Variants in PCDHGA10 observed in about 807,000 individuals in gnomAD.
PCDHGA10 encodes the protein protocadherin gamma subfamily A, 10, also known as protocadherin gamma-A10.
PCDHGA10 carries 42 observed loss-of-function variants against 59.5 expected under a neutral mutation model. That is an observed-to-expected ratio of 0.71 (90% CI 0.55 to 0.91). The LOEUF (loss-of-function observed/expected upper bound fraction) is 0.91. Among genes scored for constraint, PCDHGA10 ranks in the 40% least tolerant of loss-of-function variants. The pLI, the probability that PCDHGA10 is intolerant of heterozygous loss-of-function variation, is 0.00. For synonymous variants in PCDHGA10, 511 were observed against 517.2 expected (o/e 0.99, Z 0.16); for missense variants, 1,111 against 1,198.2 (o/e 0.93, Z 1.07).
intron 1 of PCDHGA10, chr5:141,423,928 G>C: frequency 8.1e-7 from 1 of 1,236,850 alleles, no homozygotes; most frequent in Non-Finnish European, 1.0e-6. Flanking sequence ...ATGCTGGTTT[G>C]GTTTGAAGTA....
At chr5:141,441,962 G>A in intron 1 of PCDHGA10, 1 of 313,768 alleles carries the variant, frequency 3.2e-6, no homozygotes, top group Admixed American at 4.1e-5. Context: ...AGCAAGCCCA[G>A]GCTCTTCAGC....
At chr5:141,441,710 G>A (rs2098266791) in intron 1 of PCDHGA10, 1 of 322,162 alleles carries the variant, frequency 3.1e-6, no homozygotes, top group Non-Finnish European at 6.1e-6. Context: ...TCAAGCTCAC[G>A]CTGCAGGCCC....
intron 1 of PCDHGA10, among the ~76,000 whole-genome samples, chr5:141,451,429 G>A (rs577699188): frequency 1.3e-3 from 195 of 152,306 alleles, no homozygotes; most frequent in African/African-American, 4.5e-3. Flanking sequence ...TAGACTAAGG[G>A]TTCCAGTTCC....
intron 1 of PCDHGA10, among the ~76,000 whole-genome samples, chr5:141,433,989 T>C (rs898601470): frequency 6.6e-6 from 1 of 152,248 alleles, no homozygotes; most frequent in Non-Finnish European, 1.5e-5. Context: ...AGAAGAGTTT[T>C]ATATTCTCTA....
chr5:141,446,800 G>C (rs1332771959), intron 1 of PCDHGA10, among the ~76,000 whole-genome samples: 1 of 152,150 alleles, frequency 6.6e-6, no homozygotes, highest in African/African-American at 2.4e-5. Flanking sequence ...TTCTTCCATT[G>C]TGATCATCTA....
intron 1 of PCDHGA10, chr5:141,429,265 T>C (rs1297239650): frequency 6.6e-6 from 1 of 152,148 alleles, no homozygotes; most frequent in Non-Finnish European, 1.5e-5. Flanking sequence ...GAGGAATAAA[T>C]TTTTTTCCTG....
Position 141,470,128 on chromosome 5 carries a change from CA to C in PCDHGA10, c.2437-24670del, listed in dbSNP as rs200356364. Among the ~76,000 whole-genome samples, 62 of 150,148 alleles carry C rather than the reference CA, an allele frequency of 4.1e-4. 1 individual carries two copies. Among genetic ancestry groups the C allele is most frequent in the Middle Eastern group, 3.4e-3 (1 of 294 alleles). On this transcript the variant is annotated intron_variant, in intron 1 of 3. Coordinates refer to ENST00000398610, the MANE Select transcript of PCDHGA10 (RefSeq NM_018913.3). ...TGAGCAACAGAGCAAGACTTCGTCTCAAAAAAAAAGATCATAGATCATCTTA... is the reference window on the plus strand; with the variant it reads ...TGAGCAACAGAGCAAGACTTCGTCTCAAAAAAAAGATCATAGATCATCTTA...
Position 141,491,004 on chromosome 5 carries a change from G to T in PCDHGA10, c.2437-3803G>T. ...CTCGCTCTGCTCCTCCTGGCTCCTT[G>T]GTCACCAAGGTGACAGCCGTGGATG... On this transcript the variant is annotated intron_variant, in intron 1 of 3. Transcript: ENST00000398610. The surrounding 1 kb of genome is among the most constrained non-coding windows in gnomAD (Gnocchi z 6.9). The T allele has an allele frequency of 6.2e-7, 1 of 1,614,024 alleles. No individual in the cohort carries two copies. Among genetic ancestry groups the T allele is most frequent in the Non-Finnish European group, 8.5e-7 (1 of 1,180,026 alleles).
At chr5:141,460,488 T>C (rs1226287742) in intron 1 of PCDHGA10, among the ~76,000 whole-genome samples, 1 of 152,186 alleles carries the variant, frequency 6.6e-6, no homozygotes, top group Admixed American at 6.6e-5. Flanking sequence ...ATTGTCTCTT[T>C]GGAAAAATAT....
At chr5:141,439,500 TTCTC>T (rs1399113868) in intron 1 of PCDHGA10, among the ~76,000 whole-genome samples, 9 of 152,246 alleles carry the variant, frequency 5.9e-5, no homozygotes, top group Admixed American at 2.0e-4. Context: ...AGAAACGTCT[TTCTC>T]TCTGCTCTCA....
intron 3 of PCDHGA10, among the ~76,000 whole-genome samples, chr5:141,509,015 C>T (rs1370464396): frequency 6.6e-6 from 1 of 152,098 alleles, no homozygotes; most frequent in East Asian, 1.9e-4. Flanking sequence ...AAGTGGGCAG[C>T]TGCTCCCTCC....
At chr5:141,473,402 T>C (rs1019157713) in intron 1 of PCDHGA10, among the ~76,000 whole-genome samples, 7 of 152,224 alleles carry the variant, frequency 4.6e-5, no homozygotes, top group Non-Finnish European at 7.3e-5. Flanking sequence ...CTTCTTTTTT[T>C]CTTCTTCAGT....
intron 2 of PCDHGA10, among the ~76,000 whole-genome samples, chr5:141,498,004 G>C (rs1385457484): frequency 6.6e-6 from 1 of 152,316 alleles, no homozygotes; most frequent in African/African-American, 2.4e-5. Flanking sequence ...GGAGTTTACA[G>C]TGCACTGAAG....
At chr5:141,461,456 T>C (rs12186717) in intron 1 of PCDHGA10, among the ~76,000 whole-genome samples, 42,391 of 152,030 alleles carry the variant, frequency 0.28, 6,631 homozygotes, top group African/African-American at 0.43. Context: ...AATGGCTATT[T>C]GTGTCCTTTG....
chr5:141,488,210 A>G (rs2099673009), intron 1 of PCDHGA10, among the ~76,000 whole-genome samples: 1 of 152,192 alleles, frequency 6.6e-6, no homozygotes, highest in Admixed American at 6.5e-5. Context: ...ACTCATATCA[A>G]GTCCCTACTG....
intron 1 of PCDHGA10, among the ~76,000 whole-genome samples, chr5:141,464,301 T>A (rs1237581605): frequency 6.6e-6 from 1 of 150,782 alleles, no homozygotes; most frequent in Non-Finnish European, 1.5e-5. Flanking sequence ...CTCCATTGTA[T>A]GTGCACATAT....
rs200254467 is a variant in PCDHGA10 at position 141,419,887 on chromosome 5, C to T, written c.2436+4276C>T. 380 of 1,614,050 alleles carry T rather than the reference C, an allele frequency of 2.4e-4. 1 individual carries two copies. The Admixed American group carries it at 2.6e-3, about 11-fold the overall frequency. ...TGCAAGAGGTACTGCCGGATTTCAGCGACCATCCCACACCCTCTGACTCCC... is the reference window on the plus strand; with the variant it reads ...TGCAAGAGGTACTGCCGGATTTCAGTGACCATCCCACACCCTCTGACTCCC... On this transcript the variant is annotated intron_variant, in intron 1 of 3. Transcript: ENST00000398610.
intron 1 of PCDHGA10, among the ~76,000 whole-genome samples, chr5:141,472,742 T>C (rs926507203): frequency 2.0e-5 from 3 of 151,762 alleles, no homozygotes; most frequent in Non-Finnish European, 4.4e-5. Flanking sequence ...TCCCAGCACT[T>C]TGGGAGGCGG....
intron 1 of PCDHGA10, among the ~76,000 whole-genome samples, chr5:141,433,641 G>A (rs1177387884): frequency 6.6e-6 from 1 of 152,104 alleles, no homozygotes; most frequent in Non-Finnish European, 1.5e-5. Flanking sequence ...TTTGAGACCA[G>A]CCTGACCAAC....
Sources: allele counts gnomAD v4.1 joint callset (sites outside exome capture counted in the v4.1 genomes callset), GRCh38; gene constraint gnomAD v4.1.1; non-coding constraint Gnocchi (gnomAD v3.1); transcripts MANE v1.5; gene names NCBI Gene and HGNC (gene_info 2026-07-23, HGNC 2026-07-21).